Variants in MYO15B observed in about 807,000 individuals in gnomAD.
MYO15B encodes myosin XVB.
Under a neutral mutation model 119.3 loss-of-function variants are expected in MYO15B, and 207 were observed. That is an observed-to-expected ratio of 1.73 (90% CI 1.55 to 1.95). The LOEUF is 1.95. Ranked by LOEUF, MYO15B falls within the 30% of genes most tolerant of loss-of-function variation. The pLI is 0.00. For synonymous variants in MYO15B, 966 were observed against 498.9 expected (o/e 1.94, Z -12.48); for missense variants, 2,264 against 1,203.1 (o/e 1.88, Z -13.04).
chr17:75,614,794 G>A (rs1481429430), exon 32 of MYO15B: 9 of 702,712 alleles, frequency 1.3e-5, no homozygotes, highest in Non-Finnish European at 1.8e-5. Context: ...AGGTCAGGGA[G>A]CCTGGACGGC....
intron 4 of MYO15B, 51 bp from the exon 5 acceptor site, chr17:75,591,550 G>T: frequency 1.4e-6 from 1 of 701,796 alleles, no homozygotes; most frequent in South Asian, 1.5e-5. Flanking sequence ...GTTCACTGGG[G>T]TGGTCCTATG....
chr17:75,610,750 C>T, intron 22 of MYO15B, 150 bp from the exon 23 acceptor site: 1 of 630,022 alleles, frequency 1.6e-6, no homozygotes. Flanking sequence ...CCTGGAGGGC[C>T]AGGGGTGGCT....
At position 75,608,798 on chromosome 17, in the gene MYO15B, G is replaced by A. The variant is rs199957292; in HGVS notation, c.4293-1368G>A. ...GCCCAGGCTGGAGTGCAATGGCTTGGTCTCAGCTCAATACAACCTCCGCCT... is the reference window on the plus strand; with the variant it reads ...GCCCAGGCTGGAGTGCAATGGCTTGATCTCAGCTCAATACAACCTCCGCCT... On this transcript the variant is annotated intron_variant, in intron 21 of 63. Transcript: ENST00000645453. Among the ~76,000 whole-genome samples the A allele has an allele frequency of 1.3e-4, 19 of 151,848 alleles. No homozygotes were observed. In the East Asian group the frequency reaches 3.5e-3, roughly 28 times the overall value.
At chr17:75,602,694 G>C in intron 16 of MYO15B, 100 bp downstream of exon 16, 1 of 608,892 alleles carries the variant, frequency 1.6e-6, no homozygotes. Flanking sequence ...TGGCCCTCAA[G>C]TCCCTGGCAC....
Position 75,619,187 on chromosome 17 carries a change from G to GA in MYO15B, c.7034dup (p.Asn2345LysfsTer2). Reference sequence around the variant, plus strand: ...CCGAGTCCTGTATCCGGATTTCCCAGAATGAGCGGCGGAAAATGAAAGACC... The same window carrying GA: ...CCGAGTCCTGTATCCGGATTTCCCAGAAATGAGCGGCGGAAAATGAAAGACC... On this transcript the variant is annotated frameshift_variant, in exon 44 of 64. Coordinates refer to ENST00000645453, the Ensembl canonical transcript of MYO15B. LOFTEE classifies it high-confidence loss of function. 1.4e-6 allele frequency: 1 copy of GA among 702,876 alleles called. No individual in the cohort carries two copies. The highest frequency in any genetic ancestry group is 2.6e-6 in the Non-Finnish European group (1 of 385,006). 43.5% of individuals were successfully genotyped at this position (702,876 alleles called of 1,614,324 possible). A position where few individuals can be genotyped will look rare whatever the true frequency, so the allele number is the denominator to read the frequency against.
At chr17:75,598,226 C>G (rs2056994537) in intron 14 of MYO15B, among the ~76,000 whole-genome samples, 1 of 148,944 alleles carries the variant, frequency 6.7e-6, no homozygotes, top group South Asian at 2.1e-4. Flanking sequence ...CGAGATCGTG[C>G]CACTACACTC....
exon 43 of MYO15B, chr17:75,618,131 C>A: frequency 1.4e-6 from 1 of 703,302 alleles, no homozygotes; most frequent in Non-Finnish European, 2.6e-6. Flanking sequence ...TCCAGGTGTT[C>A]TACCCACGGG....
intron 14 of MYO15B, among the ~76,000 whole-genome samples, chr17:75,600,307 G>A (rs1379857760): frequency 2.0e-5 from 3 of 151,698 alleles, no homozygotes; most frequent in Non-Finnish European, 2.9e-5. Context: ...GATTACAGGC[G>A]TGAGCCACCG....
chr17:75,626,052 G>A (rs574548227), intron 62 of MYO15B, 36 bp from the exon 63 acceptor site: 24 of 699,276 alleles, frequency 3.4e-5, no homozygotes, highest in Admixed American at 1.6e-4. Flanking sequence ...ACCCCTCCCC[G>A]GAGAGGAGAC....
intron 12 of MYO15B, among the ~76,000 whole-genome samples, chr17:75,596,082 T>C (rs987059451): frequency 6.6e-6 from 1 of 152,092 alleles, no homozygotes; most frequent in African/African-American, 2.4e-5. Flanking sequence ...GCACTTCCTA[T>C]AGGAGGAAGG....
chr17:75,589,224 G>A lies in MYO15B; in HGVS notation c.1167G>A (p.Arg389=), dbSNP rs2056261121. The change falls in exon 1 of 64, where the codon CGG becomes CGA. Residue 389 remains arginine, a synonymous_variant. Coordinates refer to ENST00000645453, the Ensembl canonical transcript of MYO15B. This position sits in a 1 kb window ranked among gnomAD's most constrained non-coding sequence, Gnocchi z 4.2. Reference sequence around the variant, plus strand: ...GGCGGCGGCTGCGGCTGCGGCGGCGGCCGCCAGAGGGCGAGGGGCAGGGTA... The same window carrying A: ...GGCGGCGGCTGCGGCTGCGGCGGCGACCGCCAGAGGGCGAGGGGCAGGGTA... 1 of 400,852 alleles carries A rather than the reference G, an allele frequency of 2.5e-6. No homozygotes were observed. Among genetic ancestry groups the A allele is most frequent in the East Asian group, 3.5e-5 (1 of 28,170 alleles). 24.8% of individuals were successfully genotyped at this position (400,852 alleles called of 1,614,324 possible).
intron 14 of MYO15B, chr17:75,600,648 C>G (rs1464010477): frequency 7.5e-6 from 1 of 132,774 alleles, no homozygotes; most frequent in Non-Finnish European, 1.5e-5. Flanking sequence ...TGCAATGGTG[C>G]GGTCTCGGCT....
At chr17:75,619,052 T>G (rs2058547073) in intron 43 of MYO15B, 91 bp from the exon 44 acceptor site, 1 of 691,972 alleles carries the variant, frequency 1.4e-6, no homozygotes, top group Non-Finnish European at 2.6e-6. Flanking sequence ...TCCATCGGCC[T>G]CCTCAGGTTT....
chr17:75,618,757 A>G (rs73366171), intron 43 of MYO15B, among the ~76,000 whole-genome samples: 5,070 of 149,412 alleles, frequency 0.034, 314 homozygotes, highest in African/African-American at 0.12. Flanking sequence ...TAGGTACTTA[A>G]TAAATGGTTG....
chr17:75,621,067 G>A lies in MYO15B; in HGVS notation c.7762G>A (p.Asp2588Asn), dbSNP rs187117967. 30 of 702,832 alleles carry A rather than the reference G, an allele frequency of 4.3e-5. 1 individual carries two copies. Among genetic ancestry groups the A allele is most frequent in the Admixed American group, 1.2e-4 (6 of 50,020 alleles). The allele number at this position is 702,832 out of a possible 1,614,324, so 43.5% of individuals were successfully genotyped here. The change falls in exon 50 of 64, where the codon GAC (aspartate) becomes AAC (asparagine). Residue 2588 changes from aspartate to asparagine, a missense_variant. By Grantham distance (23) the Asp-to-Asn change is conservative. Transcript: ENST00000645453. ...CCCTTGGAGCCAGGCACACAGTGAC[G>A]ACTCGGAGGCCACCAGCCTGTCCTC...
chr17:75,611,520 C>A, intron 23 of MYO15B, 81 bp from the exon 24 acceptor site: 1 of 658,324 alleles, frequency 1.5e-6, no homozygotes, highest in South Asian at 1.5e-5. Context: ...TGTTTATAAT[C>A]TTGGGGTTGA....
At chr17:75,598,975 A>G (rs2057064970) in intron 14 of MYO15B, among the ~76,000 whole-genome samples, 2 of 152,228 alleles carry the variant, frequency 1.3e-5, no homozygotes, top group South Asian at 4.1e-4. Flanking sequence ...TCATTTACAT[A>G]ATATAGGCAA....
chr17:75,617,813 T>C (rs2058470867), exon 42 of MYO15B: 2 of 701,640 alleles, frequency 2.9e-6, no homozygotes, highest in African/African-American at 1.7e-5. Flanking sequence ...CTGCCAGGCT[T>C]GACACAGCCC....
chr17:75,600,474 G>T (rs1281283190), intron 14 of MYO15B: 2 of 151,118 alleles, frequency 1.3e-5, no homozygotes, highest in Non-Finnish European at 2.9e-5. Context: ...TAGAAATGGG[G>T]TCTCACTCTC....
Sources: allele counts gnomAD v4.1 joint callset (sites outside exome capture counted in the v4.1 genomes callset), GRCh38; gene constraint gnomAD v4.1.1; non-coding constraint Gnocchi (gnomAD v3.1); transcripts MANE v1.5; gene names NCBI Gene and HGNC (gene_info 2026-07-23, HGNC 2026-07-21).